The following ENOX1 variants were observed in gnomAD, a reference collection of about 807,000 sequenced individuals.
The protein encoded by ENOX1 is ecto-NOX disulfide-thiol exchanger 1.
A neutral mutation model predicts 82.5 loss-of-function variants in ENOX1; 42 were observed. That is an observed-to-expected ratio of 0.51 (90% CI 0.40 to 0.66). ENOX1 has a LOEUF of 0.66. ENOX1 is among the 30% of genes least tolerant of loss of function. The pLI is 0.00. For synonymous variants in ENOX1, 271 were observed against 282.2 expected, an observed-to-expected ratio of 0.96 and a Z score of 0.40; for missense variants, 608 against 811.6, an observed-to-expected ratio of 0.75 and a Z score of 3.05.
chr13:43,532,237 A>G (rs2078262047), intron 2 of ENOX1, among the ~76,000 whole-genome samples: 1 of 152,016 alleles, frequency 6.6e-6, no homozygotes. Flanking sequence ...TTTTCTCTTT[A>G]TTATTCATAT....
rs2044314132 is a variant in ENOX1, at chr13:43,265,406, C to A, written c.1603G>T (p.Asp535Tyr). The change falls in exon 14 of 17, where the codon GAT becomes TAT. Residue 535 changes from aspartate (D) to tyrosine (Y), a missense_variant. Transcript: ENST00000690772. ...AGGTTTGTGGTACCTACATTTGAAT[C>A]CTCATGGCTGTGGCCATTGGTCTCG... ...LVETNGHSHE[D>Y]SNEINVLTVA... The A allele has an allele frequency of 6.2e-7, 1 of 1,611,964 alleles. No individual in the cohort carries two copies. Among genetic ancestry groups the A allele is most frequent in the African/African-American group, 1.3e-5 (1 of 74,896 alleles).
chr13:43,437,974 A>T (rs896208683), intron 3 of ENOX1, among the ~76,000 whole-genome samples: 1 of 152,226 alleles, frequency 6.6e-6, no homozygotes, highest in Non-Finnish European at 1.5e-5. Flanking sequence ...GGGAGGGATA[A>T]TAAAACACCT....
At chr13:43,569,286 C>T (rs2080064739) in intron 2 of ENOX1, among the ~76,000 whole-genome samples, 1 of 152,046 alleles carries the variant, frequency 6.6e-6, no homozygotes, top group African/African-American at 2.4e-5. Context: ...ATCACATAAG[C>T]ATATAAAGAT....
At chr13:43,267,931 C>T (rs1178141500) in intron 13 of ENOX1, among the ~76,000 whole-genome samples, 3 of 152,112 alleles carry the variant, frequency 2.0e-5, no homozygotes, top group Admixed American at 6.5e-5. Context: ...TTAGCTGTTT[C>T]GAATCTTCTT....
At chr13:43,667,566 G>C (rs1172988045) in intron 1 of ENOX1, 22 bp from the exon 2 acceptor site, 1 of 922,860 alleles carries the variant, frequency 1.1e-6, no homozygotes. Flanking sequence ...AGGCCATCTT[G>C]TTAGAAAAAA....
At chr13:43,277,504 G>T (rs922365923) in intron 12 of ENOX1, among the ~76,000 whole-genome samples, 1 of 152,224 alleles carries the variant, frequency 6.6e-6, no homozygotes, top group Non-Finnish European at 1.5e-5. Flanking sequence ...GCTCAAGTAA[G>T]TGTTTCCAAG....
chr13:43,597,761 G>T, intron 2 of ENOX1, among the ~76,000 whole-genome samples: 1 of 152,142 alleles, frequency 6.6e-6, no homozygotes, highest in East Asian at 1.9e-4. Context: ...AGCCTGCAGG[G>T]CCCTATACAA....
chr13:43,689,972 C>T (rs1486936579), intron 1 of ENOX1, among the ~76,000 whole-genome samples: 1 of 152,092 alleles, frequency 6.6e-6, no homozygotes, highest in Non-Finnish European at 1.5e-5. Flanking sequence ...AAGTCCTTCT[C>T]CATTATTAGA....
intron 2 of ENOX1, among the ~76,000 whole-genome samples, chr13:43,492,619 T>G (rs1197718568): frequency 1.3e-5 from 2 of 152,136 alleles, no homozygotes; most frequent in Non-Finnish European, 2.9e-5. Flanking sequence ...AAAAGGCCAT[T>G]TTGTCATTGC....
At chr13:43,339,511 G>C (rs1022856134) in intron 9 of ENOX1, among the ~76,000 whole-genome samples, 1 of 152,168 alleles carries the variant, frequency 6.6e-6, no homozygotes, top group Non-Finnish European at 1.5e-5. Flanking sequence ...TAGAAGCTGC[G>C]GAGTGAGCCC....
At chr13:43,241,697 T>A (rs1380185322) in intron 14 of ENOX1, among the ~76,000 whole-genome samples, 1 of 152,184 alleles carries the variant, frequency 6.6e-6, no homozygotes, top group East Asian at 1.9e-4. Flanking sequence ...AAGGAATCAT[T>A]AAAGGGCTGG....
At chr13:43,783,053 T>C (rs2153854925) in intron 1 of ENOX1, among the ~76,000 whole-genome samples, 1 of 152,298 alleles carries the variant, frequency 6.6e-6, no homozygotes, top group Admixed American at 6.5e-5. Flanking sequence ...TAATGAGTGA[T>C]TGATTAATTA....
chr13:43,595,864 AC>A (rs1321471146), intron 2 of ENOX1, among the ~76,000 whole-genome samples: 2 of 152,214 alleles, frequency 1.3e-5, no homozygotes, highest in African/African-American at 4.8e-5. Flanking sequence ...CTGAATTGGT[AC>A]CCAAGTCATG....
At chr13:43,618,231 C>T (rs1204781922) in intron 2 of ENOX1, among the ~76,000 whole-genome samples, 1 of 152,150 alleles carries the variant, frequency 6.6e-6, no homozygotes, top group Non-Finnish European at 1.5e-5. Context: ...TTTTGTCATG[C>T]AAAAGCTCTT....
At chr13:43,742,811 TAAAG>T in intron 1 of ENOX1, among the ~76,000 whole-genome samples, 1 of 152,284 alleles carries the variant, frequency 6.6e-6, no homozygotes, top group African/African-American at 2.4e-5. Context: ...AGGTGTGAGA[TAAAG>T]AAAGGACTCA....
At chr13:43,785,929 G>A (rs1251974029) in intron 1 of ENOX1, among the ~76,000 whole-genome samples, 1 of 152,060 alleles carries the variant, frequency 6.6e-6, no homozygotes, top group Non-Finnish European at 1.5e-5. Context: ...AGGCGGGGAG[G>A]CGGCCGGCGT....
At chr13:43,326,214 G>A (rs539852012) in intron 10 of ENOX1, among the ~76,000 whole-genome samples, 1 of 152,294 alleles carries the variant, frequency 6.6e-6, no homozygotes. Context: ...TTGCAGGGGA[G>A]AAAAACACTG....
At chr13:43,593,306 A>C (rs1337218707) in intron 2 of ENOX1, among the ~76,000 whole-genome samples, 1 of 152,150 alleles carries the variant, frequency 6.6e-6, no homozygotes, top group African/African-American at 2.4e-5. Context: ...AAATGATCCC[A>C]TAGCCTACAT....
At chr13:43,744,914 T>G (rs113444652) in intron 1 of ENOX1, among the ~76,000 whole-genome samples, 42 of 152,314 alleles carry the variant, frequency 2.8e-4, no homozygotes, top group African/African-American at 9.6e-4. Context: ...CATCTTAGCA[T>G]TACGGATTAC....
Sources: gnomAD v4.1 joint callset for allele counts (sites outside exome capture counted in the v4.1 genomes callset) on GRCh38, gnomAD v4.1.1 for gene constraint, MANE v1.5 for transcripts, NCBI Gene and HGNC (gene_info 2026-07-23, HGNC 2026-07-21) for gene names.